Variants in EDA2R observed in about 807,000 individuals in gnomAD.
EDA2R encodes the protein tumor necrosis factor receptor superfamily member 27.
A neutral mutation model predicts 20.1 loss-of-function variants in EDA2R; 26 were observed. The ratio of observed to expected loss-of-function variants is 1.30; its 90% CI spans 0.95 to 1.80. The LOEUF (loss-of-function observed/expected upper bound fraction) is 1.80. EDA2R is among the 40% of genes most tolerant of loss of function. The pLI, the probability that EDA2R is intolerant of heterozygous loss-of-function variation, is 0.00. For missense variants in EDA2R, 277 were observed against 228.7 expected, an observed-to-expected ratio of 1.21 and a Z score of -1.36; for synonymous variants, 114 against 88.7, an observed-to-expected ratio of 1.29 and a Z score of -1.60.
At chrX:66,635,269 C>T (rs1332944177) in intron 1 of EDA2R, among the ~76,000 whole-genome samples, 1 of 112,021 alleles carries the variant, frequency 8.9e-6, no homozygotes, top group Non-Finnish European at 1.9e-5. Context: ...ATACAGTAAA[C>T]TCTAATCCAA....
chrX:66,633,682 G>C (rs1934061479), intron 1 of EDA2R, among the ~76,000 whole-genome samples: 1 of 111,220 alleles, frequency 9.0e-6, no homozygotes, highest in Admixed American at 9.6e-5. Context: ...TGTTATCCTA[G>C]CCAAAGTGAG....
intron 4 of EDA2R, among the ~76,000 whole-genome samples, chrX:66,603,542 C>T (rs191965942): frequency 9.0e-6 from 1 of 111,582 alleles, no homozygotes; most frequent in East Asian, 2.8e-4. Context: ...ACCTGGAAGA[C>T]ATATGGTCTA....
At chrX:66,598,230 T>C (rs1460018093) in intron 6 of EDA2R, 137 bp from the exon 7 acceptor site, 1 of 219,213 alleles carries the variant, frequency 4.6e-6, no homozygotes, top group African/African-American at 2.9e-5. Flanking sequence ...TAGATAGGGA[T>C]ATGACAATTC....
In EDA2R at chrX:66,596,680, T is replaced by C. The variant is rs187428906; in HGVS notation, c.*1424A>G. 9.0e-6 allele frequency: 1 copy of C among 111,041 alleles called. No individual in the cohort carries two copies. The highest frequency in any genetic ancestry group is 2.8e-4 in the East Asian group (1 of 3,540). The allele number at this position is 111,041 out of a possible 1,213,427, so 9.2% of individuals were successfully genotyped here. On this transcript the variant is annotated 3_prime_UTR_variant, in exon 7 of 7. Transcript: ENST00000374719. ...TCCCCTGTCTGGATATTATTTCTTC[T>C]ACCAGAAGGTCTAAACATGATCAGT...
chrX:66,605,310 T>C, intron 2 of EDA2R, 84 bp from the exon 3 acceptor site: 1 of 924,871 alleles, frequency 1.1e-6, no homozygotes, highest in South Asian at 3.6e-5. Flanking sequence ...CTGTACAGGG[T>C]AGTATTTTGC....
intron 1 of EDA2R, among the ~76,000 whole-genome samples, chrX:66,620,597 C>T (rs893790630): frequency 1.8e-5 from 2 of 110,720 alleles, no homozygotes; most frequent in African/African-American, 3.3e-5. Flanking sequence ...GAAGTAGTTG[C>T]TTAGATATAA....
intron 1 of EDA2R, among the ~76,000 whole-genome samples, chrX:66,638,585 A>C (rs1934567134): frequency 9.0e-6 from 1 of 110,821 alleles, no homozygotes. Context: ...ACTTGCCCTC[A>C]AGCCACGCGG....
chrX:66,619,536 A>AT (rs771049450), intron 1 of EDA2R, among the ~76,000 whole-genome samples: 3 of 111,496 alleles, frequency 2.7e-5, no homozygotes, highest in South Asian at 3.8e-4. Flanking sequence ...GCTCAAGAAC[A>AT]TTTTTTTCAC....
chrX:66,630,065 A>C (rs1933572944), intron 1 of EDA2R, among the ~76,000 whole-genome samples: 1 of 111,492 alleles, frequency 9.0e-6, no homozygotes, highest in East Asian at 2.8e-4. Flanking sequence ...ATCTTTGACA[A>C]AGCAAACAAA....
At chrX:66,606,460 A>C (rs1216812386) in intron 2 of EDA2R, among the ~76,000 whole-genome samples, 1 of 111,784 alleles carries the variant, frequency 8.9e-6, no homozygotes, top group African/African-American at 3.3e-5. Flanking sequence ...GAAACCTTGG[A>C]ATAAATATAT....
At chrX:66,614,429 G>C (rs1242190929) in intron 2 of EDA2R, among the ~76,000 whole-genome samples, 1 of 112,101 alleles carries the variant, frequency 8.9e-6, no homozygotes, top group Admixed American at 9.4e-5. Flanking sequence ...CATCCTAATT[G>C]ATTCTGAGGT....
chrX:66,630,096 C>T (rs1933574234), intron 1 of EDA2R, among the ~76,000 whole-genome samples: 1 of 111,437 alleles, frequency 9.0e-6, no homozygotes, highest in Non-Finnish European at 1.9e-5. Context: ...GGGAAAAGGA[C>T]ACCATTTTCA....
intron 6 of EDA2R, 66 bp from the exon 7 acceptor site, chrX:66,598,159 C>T: frequency 2.3e-6 from 1 of 437,271 alleles, no homozygotes; most frequent in South Asian, 3.6e-5. Context: ...TCTTTCTCTA[C>T]CCCTCCAAAT....
At chrX:66,599,049 A>G (rs1473277090) in intron 6 of EDA2R, among the ~76,000 whole-genome samples, 1 of 112,258 alleles carries the variant, frequency 8.9e-6, no homozygotes, top group Non-Finnish European at 1.9e-5. Context: ...ATGAAGTGAC[A>G]TACACACAAG....
intron 2 of EDA2R, among the ~76,000 whole-genome samples, chrX:66,611,051 C>T (rs1316401853): frequency 1.8e-5 from 2 of 111,319 alleles, no homozygotes; most frequent in Non-Finnish European, 3.8e-5. Flanking sequence ...TTCTTTATGC[C>T]GACCTAAATG....
rs1356287322 is a variant in EDA2R, at chrX:66,596,457, C to G, written c.*1647G>C. ...GATTCTGGGTATGGCTTGGGCTGTC[C>G]ACATAGCATTCATGCCATGAGCAAG... On this transcript the variant is annotated 3_prime_UTR_variant, in exon 7 of 7. Transcript: ENST00000374719. 9.0e-6 allele frequency: 1 copy of G among 111,603 alleles called. No individual in the cohort carries two copies. The highest frequency in any genetic ancestry group is 3.3e-5 in the African/African-American group (1 of 30,684). 9.2% of individuals were successfully genotyped at this position (111,603 alleles called of 1,213,427 possible).
At position 66,609,064 on chromosome X, in the gene EDA2R, T is replaced by C. The variant is rs144950371; in HGVS notation, c.88-3838A>G. On this transcript the variant is annotated intron_variant, in intron 2 of 6. Coordinates refer to ENST00000374719, the MANE Select transcript of EDA2R (RefSeq NM_021783.5). ...AATGCAGTATACCAAAAACCATGAATTGTAAACCTAAATGGGTGAATTGAC... is the reference window on the plus strand; with the variant it reads ...AATGCAGTATACCAAAAACCATGAACTGTAAACCTAAATGGGTGAATTGAC... Among the ~76,000 whole-genome samples the C allele has an allele frequency of 9.8e-5, 11 of 111,806 alleles. No homozygotes were observed. The East Asian group carries it at 3.1e-3, about 31-fold the overall frequency.
chrX:66,613,126 A>T (rs1291151026), intron 2 of EDA2R, among the ~76,000 whole-genome samples: 1 of 111,868 alleles, frequency 8.9e-6, no homozygotes, highest in Non-Finnish European at 1.9e-5. Context: ...GGAATGCAGG[A>T]TATTTAAATT....
chrX:66,621,255 G>A (rs1932572250), intron 1 of EDA2R, among the ~76,000 whole-genome samples: 1 of 111,714 alleles, frequency 9.0e-6, no homozygotes, highest in Admixed American at 9.5e-5. Flanking sequence ...CCAGCCTGGG[G>A]GAGAAGGATG....
Sources: allele counts gnomAD v4.1 joint callset (sites outside exome capture counted in the v4.1 genomes callset), GRCh38; gene constraint gnomAD v4.1.1; transcripts MANE v1.5; gene names NCBI Gene and HGNC (gene_info 2026-07-23, HGNC 2026-07-21).